SLC9C1: variants seen among roughly 807,000 people sequenced by gnomAD.
SLC9C1 encodes the protein solute carrier family 9 member C1.
A neutral mutation model predicts 140.9 loss-of-function variants in SLC9C1; 97 were observed. The ratio of observed to expected loss-of-function variants is 0.69; its 90% CI spans 0.58 to 0.82. The LOEUF is 0.82. Among genes scored for constraint, SLC9C1 ranks in the 40% least tolerant of loss-of-function variants. The pLI is 0.00. For synonymous variants in SLC9C1, 440 were observed against 442.6 expected, an observed-to-expected ratio of 0.99 and a Z score of 0.07; for missense variants, 1,340 against 1,389.3, an observed-to-expected ratio of 0.96 and a Z score of 0.56.
chr3:112,274,892 C>A lies in SLC9C1; in HGVS notation c.613+5G>T. Reference sequence around the variant, plus strand: ...TTGAGAAAAATTTTTTAAAAATATACTTACCTAAGGTATGGTTTCTTTTAC... The same window carrying A: ...TTGAGAAAAATTTTTTAAAAATATAATTACCTAAGGTATGGTTTCTTTTAC... On this transcript the variant is annotated splice_donor_5th_base_variant and intron_variant, in intron 6 of 28. Coordinates refer to ENST00000305815, the MANE Select transcript of SLC9C1 (RefSeq NM_183061.3). 2 of 1,535,010 alleles carry A rather than the reference C, an allele frequency of 1.3e-6. No homozygotes were observed. The highest frequency in any genetic ancestry group is 1.4e-5 in the African/African-American group (1 of 70,940).
chr3:112,180,627 A>G lies in SLC9C1; in HGVS notation c.2685T>C (p.Asn895=), dbSNP rs1232198710. ...KAKVVTFDCG[N]DIFEEGDEPK... ...GCTCATCACCTTCTTCAAATATATC[A>G]TTTCCACAATCAAATGTTACAACTT... The change falls in exon 22 of 29, where the codon AAT becomes AAC. Residue 895 remains asparagine (N), a synonymous_variant. Transcript: ENST00000305815. 1 of 1,613,556 alleles carries G rather than the reference A, an allele frequency of 6.2e-7. No homozygotes were observed. Among genetic ancestry groups the G allele is most frequent in the Admixed American group, 1.7e-5 (1 of 59,898 alleles).
Position 112,199,480 on chromosome 3 carries a change from A to G in SLC9C1, c.2375-11T>C. On this transcript the variant is annotated splice_polypyrimidine_tract_variant and intron_variant, in intron 19 of 28. Transcript: ENST00000305815. ...CATACTCTAAGTAGCCTAAAAAATA[A>G]CAAAATATTTTTAGATTAAATAAGA... is the stretch of plus-strand genomic sequence containing the variant. 2 of 1,544,722 alleles carry G rather than the reference A, an allele frequency of 1.3e-6. No individual in the cohort carries two copies. The highest frequency in any genetic ancestry group is 1.7e-6 in the Non-Finnish European group (2 of 1,151,958).
At chr3:112,292,582 C>T (rs1235038527) in intron 1 of SLC9C1, among the ~76,000 whole-genome samples, 3 of 152,080 alleles carry the variant, frequency 2.0e-5, no homozygotes, top group South Asian at 2.1e-4. Context: ...CATGATCTGT[C>T]GCCCAGGCTG....
chr3:112,211,055 G>C (rs2108074850), intron 15 of SLC9C1, among the ~76,000 whole-genome samples: 1 of 152,202 alleles, frequency 6.6e-6, no homozygotes, highest in East Asian at 1.9e-4. Context: ...TATAAAAAAT[G>C]AATTTGTTAA....
chr3:112,157,153 C>T (rs1016002090), intron 26 of SLC9C1, among the ~76,000 whole-genome samples: 2 of 151,806 alleles, frequency 1.3e-5, no homozygotes, highest in African/African-American at 4.8e-5. Flanking sequence ...AGTTTTAGGT[C>T]TTAAATTTAA....
At chr3:112,272,867 T>C (rs576156274) in intron 6 of SLC9C1, among the ~76,000 whole-genome samples, 14 of 152,288 alleles carry the variant, frequency 9.2e-5, no homozygotes, top group South Asian at 2.1e-4. Flanking sequence ...ATAGTACATA[T>C]TAATAAATAA....
chr3:112,260,483 A>G (rs995227008), intron 10 of SLC9C1, among the ~76,000 whole-genome samples: 5 of 152,052 alleles, frequency 3.3e-5, no homozygotes, highest in South Asian at 4.2e-4. Context: ...GCTTCTTCAC[A>G]TGCATAGTAA....
chr3:112,193,368 G>A (rs76041655), intron 20 of SLC9C1, among the ~76,000 whole-genome samples: 5,111 of 152,268 alleles, frequency 0.034, 127 homozygotes, highest in Non-Finnish European at 0.052. Flanking sequence ...TTCTGGTCTG[G>A]CATGTGGGCA....
chr3:112,231,347 GAAT>G lies in SLC9C1; in HGVS notation c.1572+11_1572+13del, dbSNP rs749854027. On this transcript the variant is annotated intron_variant, in intron 13 of 28. Transcript: ENST00000305815. ...TTTGGCCAAACATAATTTCAAAAGA[GAAT>G]AATACAGTACTATTTGTGCTGACAA... 7 of 1,611,598 alleles carry G rather than the reference GAAT, an allele frequency of 4.3e-6. No individual in the cohort carries two copies. The highest frequency in any genetic ancestry group is 5.9e-6 in the Non-Finnish European group (7 of 1,179,164).
At chr3:112,166,541 C>T (rs1388539908) in intron 26 of SLC9C1, among the ~76,000 whole-genome samples, 1 of 152,168 alleles carries the variant, frequency 6.6e-6, no homozygotes, top group Admixed American at 6.5e-5. Flanking sequence ...TGCAAGTTTT[C>T]ACCTGTGAAT....
chr3:112,233,042 C>A (rs2108178615), intron 12 of SLC9C1, among the ~76,000 whole-genome samples: 1 of 73,842 alleles, frequency 1.4e-5, no homozygotes, highest in South Asian at 5.1e-4. Flanking sequence ...CACACACACA[C>A]ACACACACAT....
Position 112,208,361 on chromosome 3 carries a change from A to T in SLC9C1, c.1803T>A (p.Phe601Leu), listed in dbSNP as rs753794513. 4.3e-5 allele frequency: 67 copies of T among 1,547,890 alleles called. No individual in the cohort carries two copies. The highest frequency in any genetic ancestry group is 5.6e-5 in the Non-Finnish European group (64 of 1,148,906). Reference sequence around the variant, plus strand: ...TAAATACTATTGTATGGCATATACGAAAAAAGAAGTATCTGTAAAACAAAA... The same window carrying T: ...TAAATACTATTGTATGGCATATACGTAAAAAGAAGTATCTGTAAAACAAAA... ...EKEGPSKYFF[F>L]RICHTIVFTE... Residue 601 changes from phenylalanine to leucine, a missense_variant, in exon 16 of 29, where the codon TTT becomes TTA. Transcript: ENST00000305815.
At chr3:112,251,561 A>G (rs1296418628) in intron 10 of SLC9C1, among the ~76,000 whole-genome samples, 2 of 152,152 alleles carry the variant, frequency 1.3e-5, no homozygotes, top group Non-Finnish European at 1.5e-5. Context: ...GTGATCCAGG[A>G]GGCCTGAGTA....
chr3:112,145,393 A>T (rs1314372253), intron 28 of SLC9C1, among the ~76,000 whole-genome samples: 1 of 152,062 alleles, frequency 6.6e-6, no homozygotes, highest in Non-Finnish European at 1.5e-5. Flanking sequence ...ATCTATGTTG[A>T]TTGGGAATAT....
chr3:112,218,624 G>A (rs2108113772), intron 14 of SLC9C1, among the ~76,000 whole-genome samples: 1 of 152,180 alleles, frequency 6.6e-6, no homozygotes, highest in African/African-American at 2.4e-5. Context: ...AAATGCCAAA[G>A]ATAAACCATA....
rs181583782 is a variant in SLC9C1 at position 112,181,052 on chromosome 3, G to A, written c.2650-390C>T. Among the ~76,000 whole-genome samples, 138 of 152,014 alleles carry A rather than the reference G, an allele frequency of 9.1e-4. 1 individual carries two copies. The highest frequency in any genetic ancestry group is 2.5e-3 in the South Asian group (12 of 4,816). On this transcript the variant is annotated intron_variant, in intron 21 of 28. Coordinates refer to ENST00000305815, the MANE Select transcript of SLC9C1 (RefSeq NM_183061.3). ...ATTACAGGCGTGAGCCACCATACCC[G>A]GCCTAAAATTTGCATTTTTAAAAAA...
At position 112,157,918 on chromosome 3, in the gene SLC9C1, T is replaced by A. The variant is rs531462306; in HGVS notation, c.3365-2869A>T. Among the ~76,000 whole-genome samples the A allele has an allele frequency of 1.1e-4, 16 of 152,110 alleles. No homozygotes were observed. In the East Asian group the frequency reaches 3.1e-3, roughly 29 times the overall value. Reference sequence around the variant, plus strand: ...TTATCAGTTTTAAGAGTTTTTGGTGTGGAGTCCTTAGGTTTTTCTAAGTAT... The same window carrying A: ...TTATCAGTTTTAAGAGTTTTTGGTGAGGAGTCCTTAGGTTTTTCTAAGTAT... On this transcript the variant is annotated intron_variant, in intron 26 of 28. Coordinates refer to ENST00000305815, the MANE Select transcript of SLC9C1 (RefSeq NM_183061.3).
chr3:112,165,273 G>A (rs901675294), intron 26 of SLC9C1, among the ~76,000 whole-genome samples: 25 of 152,098 alleles, frequency 1.6e-4, no homozygotes, highest in African/African-American at 4.6e-4. Context: ...CTCTCAACTC[G>A]TCAAAGTCAT....
Position 112,238,309 on chromosome 3 carries a change from A to G in SLC9C1, c.1446+1531T>C, listed in dbSNP as rs1257829333. Reference sequence around the variant, plus strand: ...TCGTGCCATGGTTTTCAGCTCCATCAGGTCCTTTAAGGACTTCTCTGCAAT... The same window carrying G: ...TCGTGCCATGGTTTTCAGCTCCATCGGGTCCTTTAAGGACTTCTCTGCAAT... On this transcript the variant is annotated intron_variant, in intron 12 of 28. Transcript: ENST00000305815. Among the ~76,000 whole-genome samples, 7 of 152,212 alleles carry G rather than the reference A, an allele frequency of 4.6e-5. 1 individual carries two copies. Among genetic ancestry groups the G allele is most frequent in the Non-Finnish European group, 1.0e-4 (7 of 68,048 alleles).
Sources: gnomAD v4.1 joint callset for allele counts (sites outside exome capture counted in the v4.1 genomes callset) on GRCh38, gnomAD v4.1.1 for gene constraint, MANE v1.5 for transcripts, NCBI Gene and HGNC (gene_info 2026-07-23, HGNC 2026-07-21) for gene names.